The following INSC variants were observed in gnomAD, a reference collection of about 807,000 sequenced individuals.
INSC encodes the protein protein inscuteable homolog.
A neutral mutation model predicts 58.6 loss-of-function variants in INSC; 67 were observed. That is an observed-to-expected ratio of 1.14 (90% CI 0.94 to 1.40). The LOEUF (loss-of-function observed/expected upper bound fraction) is 1.40, where lower values mean the gene tolerates loss of function less well. INSC is among the 40% of genes most tolerant of loss of function. INSC has a pLI of 0.00. For synonymous variants in INSC, 262 were observed against 276.1 expected, an observed-to-expected ratio of 0.95 and a Z score of 0.51; for missense variants, 714 against 692.0, an observed-to-expected ratio of 1.03 and a Z score of -0.36.
chr11:15,154,316 G>A (rs1189908135), intron 2 of INSC, among the ~76,000 whole-genome samples: 1 of 152,228 alleles, frequency 6.6e-6, no homozygotes, highest in East Asian at 1.9e-4. Flanking sequence ...TAAGTAGCTT[G>A]GATTGTGTTT....
At chr11:15,243,852 C>A (rs144387297) in intron 12 of INSC, among the ~76,000 whole-genome samples, 1 of 151,844 alleles carries the variant, frequency 6.6e-6, no homozygotes, top group African/African-American at 2.4e-5. Context: ...CTCCCCTCCC[C>A]CTAAGGGCTC....
chr11:15,243,837 A>G, intron 12 of INSC, among the ~76,000 whole-genome samples: 1 of 143,406 alleles, frequency 7.0e-6, no homozygotes, highest in Non-Finnish European at 1.5e-5. Flanking sequence ...CCTCTCTCCT[A>G]TTATCTCCCC....
At position 15,115,565 on chromosome 11, in the gene INSC, G is replaced by C. The variant is rs117520811; in HGVS notation, c.-46+562G>C. Among the ~76,000 whole-genome samples, 1,511 of 152,302 alleles carry C rather than the reference G, an allele frequency of 9.9e-3. 15 individuals are homozygous for C. Among genetic ancestry groups the C allele is most frequent in the Non-Finnish European group, 0.016 (1,061 of 68,026 alleles). ...CTCAGAGCCCTCACACAACACTGGA[G>C]TGAATGTGGCTCTGACTAACCCCAT... On this transcript the variant is annotated intron_variant, in intron 1 of 12. Transcript: ENST00000379556.
At chr11:15,179,933 A>T (rs899686059) in intron 5 of INSC, among the ~76,000 whole-genome samples, 1 of 152,162 alleles carries the variant, frequency 6.6e-6, no homozygotes, top group African/African-American at 2.4e-5. Context: ...TTTTGTGACC[A>T]CTTTCCTGAA....
At chr11:15,222,123 T>A (rs1422086824) in intron 8 of INSC, among the ~76,000 whole-genome samples, 1 of 152,174 alleles carries the variant, frequency 6.6e-6, no homozygotes, top group Non-Finnish European at 1.5e-5. Context: ...ATTGGCCTCA[T>A]ATCATGGGGC....
At chr11:15,128,842 A>G (rs1848059872) in intron 1 of INSC, among the ~76,000 whole-genome samples, 1 of 152,234 alleles carries the variant, frequency 6.6e-6, no homozygotes, top group Non-Finnish European at 1.5e-5. Context: ...CCGACAGTCC[A>G]GCCCTGCTGT....
upstream of INSC, among the ~76,000 whole-genome samples, chr11:15,113,143 T>TTCTTTCTCTC: frequency 1.8e-4 from 18 of 98,656 alleles, no homozygotes; most frequent in East Asian, 1.8e-3. Context: ...CTTTCTTTCT[T>TTCTTTCTCTC]TCTGTCTCTC....
intron 6 of INSC, among the ~76,000 whole-genome samples, chr11:15,199,887 C>T (rs1416392604): frequency 6.6e-6 from 1 of 152,162 alleles, no homozygotes; most frequent in Non-Finnish European, 1.5e-5. Context: ...GTTAGTGCTG[C>T]CACTGGTTTG....
intron 5 of INSC, among the ~76,000 whole-genome samples, chr11:15,179,883 G>A (rs1849701368): frequency 6.6e-6 from 1 of 152,226 alleles, no homozygotes; most frequent in South Asian, 2.1e-4. Context: ...AGCAACTTCT[G>A]AGCAGGGGTA....
the INSC span, among the ~76,000 whole-genome samples, chr11:15,266,166 G>A: frequency 6.6e-6 from 1 of 151,490 alleles, no homozygotes; most frequent in Non-Finnish European, 1.5e-5. Flanking sequence ...TTATTTTTAG[G>A]GAATATTTGT....
At chr11:15,205,922 G>A (rs1850780309) in intron 7 of INSC, among the ~76,000 whole-genome samples, 1 of 152,146 alleles carries the variant, frequency 6.6e-6, no homozygotes, top group Admixed American at 6.5e-5. Context: ...CCAACAAGCA[G>A]GGATGGAGGC....
At chr11:15,225,863 A>T (rs762213567) in intron 9 of INSC, 35 bp downstream of exon 9, 52 of 1,590,694 alleles carry the variant, frequency 3.3e-5, no homozygotes, top group Non-Finnish European at 4.4e-5. Flanking sequence ...CACAGGGCCC[A>T]TAGCCATGGA....
intron 7 of INSC, among the ~76,000 whole-genome samples, chr11:15,202,703 G>A (rs1246863569): frequency 6.6e-6 from 1 of 152,222 alleles, no homozygotes; most frequent in Non-Finnish European, 1.5e-5. Flanking sequence ...GGGATCACCA[G>A]CCCTCCAAAA....
At chr11:15,112,657 G>GCC, upstream of INSC, 3 of 227,040 alleles carry the variant, frequency 1.3e-5, no homozygotes, top group East Asian at 1.4e-4. Context: ...TGGGGGGGGG[G>GCC]CATTTATGCC....
chr11:15,119,738 C>T (rs1317730217), intron 1 of INSC, among the ~76,000 whole-genome samples: 1 of 152,128 alleles, frequency 6.6e-6, no homozygotes, highest in East Asian at 1.9e-4. Flanking sequence ...CAGGCCATCT[C>T]ACTTCTTTTG....
chr11:15,123,311 A>T (rs909898695), intron 1 of INSC, among the ~76,000 whole-genome samples: 2 of 152,184 alleles, frequency 1.3e-5, no homozygotes, highest in Non-Finnish European at 2.9e-5. Flanking sequence ...CTTTCTCTAT[A>T]TGATGATGAG....
intron 2 of INSC, among the ~76,000 whole-genome samples, chr11:15,161,051 G>T (rs1109326): frequency 0.41 from 62,953 of 152,174 alleles, 14,489 homozygotes; most frequent in Non-Finnish European, 0.53. Flanking sequence ...TTCATAGTGT[G>T]CTTGGAACTA....
chr11:15,137,721 G>A (rs1381008702), intron 1 of INSC, among the ~76,000 whole-genome samples: 1 of 152,210 alleles, frequency 6.6e-6, no homozygotes, highest in Non-Finnish European at 1.5e-5. Flanking sequence ...TTAAGGGAAT[G>A]TTGTGTCTGG....
intron 6 of INSC, among the ~76,000 whole-genome samples, chr11:15,197,308 A>G (rs1450244443): frequency 1.3e-5 from 2 of 152,190 alleles, no homozygotes; most frequent in South Asian, 2.1e-4. Context: ...CCATCTTTCC[A>G]GCTCATCTTT....
Sources: gnomAD v4.1 joint callset for allele counts (sites outside exome capture counted in the v4.1 genomes callset) on GRCh38, gnomAD v4.1.1 for gene constraint, MANE v1.5 for transcripts, NCBI Gene and HGNC (gene_info 2026-07-23, HGNC 2026-07-21) for gene names.